Variants in ZNF721 observed in about 807,000 individuals in gnomAD.
ZNF721 encodes the protein zinc finger protein 721.
Under a neutral mutation model 2.4 loss-of-function variants are expected in ZNF721, and 2 were observed. The observed-to-expected ratio is 0.82, with a 90% CI of 0.34 to 2.58. The LOEUF is 2.58. ZNF721 is among the 30% of genes most tolerant of loss of function. The pLI, the probability that ZNF721 is intolerant of heterozygous loss-of-function variation, is 0.11. For missense variants in ZNF721, 1,187 were observed against 1,085.5 expected, an observed-to-expected ratio of 1.09 and a Z score of -1.31; for synonymous variants, 398 against 381.8, an observed-to-expected ratio of 1.04 and a Z score of -0.50.
In ZNF721 at chr4:443,972, G is replaced by GT; in HGVS notation, c.494dup (p.Tyr165Ter). The GT allele has an allele frequency of 6.2e-7, 1 of 1,614,116 alleles. No individual in the cohort carries two copies. Among genetic ancestry groups the GT allele is most frequent in the Non-Finnish European group, 8.5e-7 (1 of 1,180,014 alleles). ...HKKIHTGEKP[Y>*]KCEECGKAFN... ...AGGCTTTGCCACATTCTTCACATTT[G>GT]TAAGGTTTCTCTCCAGTATGAATTT... Residue 165 changes from tyrosine (Y) to a stop codon, truncating the protein, a stop_gained and frameshift_variant, in exon 3 of 3, where the codon TAC (tyrosine) becomes TAAC (stop). Coordinates refer to ENST00000511833, the MANE Select transcript of ZNF721 (RefSeq NM_133474.4). LOFTEE classifies it low-confidence loss of function (END_TRUNC).
intron 2 of ZNF721, among the ~76,000 whole-genome samples, chr4:469,327 G>A: frequency 6.6e-6 from 1 of 151,548 alleles, no homozygotes; most frequent in Non-Finnish European, 1.5e-5. Context: ...ATAAAAATAA[G>A]AAATTCAAAA....
chr4:487,869 C>T (rs1715935448), intron 1 of ZNF721, among the ~76,000 whole-genome samples: 1 of 152,164 alleles, frequency 6.6e-6, no homozygotes, highest in African/African-American at 2.4e-5. Flanking sequence ...ACCTCATCTA[C>T]ACCCGAGTAG....
chr4:456,709 T>C (rs1487226900), intron 2 of ZNF721, among the ~76,000 whole-genome samples: 1 of 152,248 alleles, frequency 6.6e-6, no homozygotes, highest in East Asian at 1.9e-4. Context: ...TGAAACCCTG[T>C]CTCTACTAAA....
At chr4:451,456 T>G (rs768615986) in intron 2 of ZNF721, among the ~76,000 whole-genome samples, 4 of 152,000 alleles carry the variant, frequency 2.6e-5, no homozygotes, top group African/African-American at 7.2e-5. Context: ...AGCTAGGGTC[T>G]CATAGCATGA....
chr4:467,537 G>A (rs1715291448), intron 2 of ZNF721, among the ~76,000 whole-genome samples: 1 of 152,238 alleles, frequency 6.6e-6, no homozygotes, highest in Non-Finnish European at 1.5e-5. Flanking sequence ...GGAAAAAGCA[G>A]GCCCTCACCC....
In ZNF721 at chr4:442,963, C is replaced by T. The variant is rs781813935; in HGVS notation, c.1504G>A (p.Glu502Lys). Residue 502 changes from glutamate to lysine, a missense_variant, in exon 3 of 3, where the codon GAA becomes AAA. Glu to Lys is a moderately conservative substitution (Grantham distance 56). Transcript: ENST00000511833. ...KRIHTGEKPF[E>K]CLECGKAFTS... ...AACGCTTTACCACATTCTAAACATT[C>T]AAAGGGTTTCTCGCCAGTATGAATC... 13 of 1,613,278 alleles carry T rather than the reference C, an allele frequency of 8.1e-6. No individual in the cohort carries two copies. The highest frequency in any genetic ancestry group is 1.0e-5 in the Non-Finnish European group (12 of 1,179,728).
intron 1 of ZNF721, among the ~76,000 whole-genome samples, chr4:474,591 G>C (rs1342485080): frequency 6.6e-6 from 1 of 152,192 alleles, no homozygotes; most frequent in East Asian, 1.9e-4. Context: ...AAAATAAAAT[G>C]TTAGGCTGAG....
Position 443,758 on chromosome 4 carries a change from T to G in ZNF721, c.709A>C (p.Asn237His). 1 of 1,614,098 alleles carries G rather than the reference T, an allele frequency of 6.2e-7. No homozygotes were observed. Among genetic ancestry groups the G allele is most frequent in the Non-Finnish European group, 8.5e-7 (1 of 1,179,996 alleles). The part of the protein sequence containing the change: ...GKAFMHSSHL[N>H]KHEKIHTGEK... ...CCAGTATGAATTTTCTCATGTTTAT[T>G]CAGGTGTGAGGAATGCATAAAGGCT... The change falls in exon 3 of 3, where the codon AAT becomes CAT. Residue 237 changes from asparagine to histidine, a missense_variant. Coordinates refer to ENST00000511833, the MANE Select transcript of ZNF721 (RefSeq NM_133474.4).
At chr4:469,667 T>G (rs1467212789) in intron 2 of ZNF721, among the ~76,000 whole-genome samples, 2 of 152,184 alleles carry the variant, frequency 1.3e-5, no homozygotes, top group Non-Finnish European at 2.9e-5. Context: ...CTTCTTAATT[T>G]TAAACTTTAT....
chr4:471,606 G>A (rs1365349079), intron 2 of ZNF721, among the ~76,000 whole-genome samples: 1 of 152,118 alleles, frequency 6.6e-6, no homozygotes, highest in East Asian at 1.9e-4. Flanking sequence ...AGTTGAATAA[G>A]TTGAATAAGG....
intron 1 of ZNF721, among the ~76,000 whole-genome samples, chr4:482,895 A>G (rs1467954466): frequency 6.6e-6 from 1 of 152,218 alleles, no homozygotes; most frequent in African/African-American, 2.4e-5. Flanking sequence ...TCAGGCAAAA[A>G]CCCAGATATA....
At chr4:452,691 T>G (rs782565036) in intron 2 of ZNF721, among the ~76,000 whole-genome samples, 5 of 152,172 alleles carry the variant, frequency 3.3e-5, no homozygotes, top group Admixed American at 2.6e-4. Flanking sequence ...CTTTGGGGTT[T>G]TGGACCCAGA....
chr4:444,336 T>A lies in ZNF721; in HGVS notation c.131A>T (p.His44Leu), dbSNP rs1714398784. Residue 44 changes from histidine to leucine, a missense_variant, in exon 3 of 3, where the codon CAT (histidine) becomes CTT (leucine). Coordinates refer to ENST00000511833, the MANE Select transcript of ZNF721 (RefSeq NM_133474.4). Reference sequence around the variant, plus strand: ...GCCTTTCCTTAATTGTAAATTATCATGCCCACATTTCTCATATCTTCTCAG... The same window carrying A: ...GCCTTTCCTTAATTGTAAATTATCAAGCCCACATTTCTCATATCTTCTCAG... ...LILRRYEKCG[H>L]DNLQLRKGCK... The A allele has an allele frequency of 6.2e-7, 1 of 1,614,034 alleles. No homozygotes were observed. The highest frequency in any genetic ancestry group is 1.1e-5 in the South Asian group (1 of 91,080).
chr4:463,816 T>C (rs1369311789), intron 2 of ZNF721, among the ~76,000 whole-genome samples: 2 of 152,018 alleles, frequency 1.3e-5, no homozygotes, highest in African/African-American at 4.8e-5. Flanking sequence ...AGATGACGGG[T>C]TGATGGGTGC....
At chr4:485,987 T>C (rs1715885852) in intron 1 of ZNF721, among the ~76,000 whole-genome samples, 1 of 151,168 alleles carries the variant, frequency 6.6e-6, no homozygotes. Context: ...AATAAATAAA[T>C]AAATAAATAA....
At chr4:465,045 A>G (rs2108706236) in intron 2 of ZNF721, among the ~76,000 whole-genome samples, 1 of 151,008 alleles carries the variant, frequency 6.6e-6, no homozygotes, top group Non-Finnish European at 1.5e-5. Flanking sequence ...AGATCGTGCC[A>G]CTGGACTCCC....
intron 2 of ZNF721, among the ~76,000 whole-genome samples, chr4:451,667 C>T (rs113913509): frequency 4.6e-5 from 7 of 152,288 alleles, no homozygotes; most frequent in East Asian, 1.9e-4. Context: ...TTGCTATTTA[C>T]GTGAAATAAA....
At position 443,960 on chromosome 4, in the gene ZNF721, T is replaced by C. The variant is rs782458115; in HGVS notation, c.507A>G (p.Glu169=). 20 of 1,613,812 alleles carry C rather than the reference T, an allele frequency of 1.2e-5. No homozygotes were observed. In the East Asian group the frequency reaches 2.5e-4, roughly 20 times the overall value. The change falls in exon 3 of 3, where the codon GAA becomes GAG. Residue 169 remains glutamate (E), a synonymous_variant. Coordinates refer to ENST00000511833, the MANE Select transcript of ZNF721 (RefSeq NM_133474.4). ...HTGEKPYKCE[E]CGKAFNRSTN... ...TTGACCTATTAAAGGCTTTGCCACA[T>C]TCTTCACATTTGTAAGGTTTCTCTC...
In ZNF721 at chr4:442,518, A is replaced by T. The variant is rs1553863379; in HGVS notation, c.1949T>A (p.Phe650Tyr). ...PYKCEECGKA[F>Y]APSTDLNQHT... Reference sequence around the variant, plus strand: ...TTGATTCAGGTCTGTTGATGGGGCAAAGGCTTTGCCACACTCTTCACATTT... The same window carrying T: ...TTGATTCAGGTCTGTTGATGGGGCATAGGCTTTGCCACACTCTTCACATTT... Residue 650 changes from phenylalanine to tyrosine, a missense_variant, in exon 3 of 3, where the codon TTT becomes TAT. Coordinates refer to ENST00000511833, the MANE Select transcript of ZNF721 (RefSeq NM_133474.4). 6.2e-7 allele frequency: 1 copy of T among 1,613,848 alleles called. No homozygotes were observed. Among genetic ancestry groups the T allele is most frequent in the Non-Finnish European group, 8.5e-7 (1 of 1,179,852 alleles).
Sources: gnomAD v4.1 joint callset for allele counts (sites outside exome capture counted in the v4.1 genomes callset) on GRCh38, gnomAD v4.1.1 for gene constraint, MANE v1.5 for transcripts, NCBI Gene and HGNC (gene_info 2026-07-23, HGNC 2026-07-21) for gene names.